The following PPP2R2C variants were observed in gnomAD, a reference collection of about 807,000 sequenced individuals.
PPP2R2C encodes the protein protein phosphatase 2, regulatory subunit B, gamma.
In PPP2R2C, 10 loss-of-function variants were observed where a neutral mutation model predicts 45.3. That is an observed-to-expected ratio of 0.22 (90% CI 0.14 to 0.37). The LOEUF is 0.37. Among genes scored for constraint, PPP2R2C ranks in the 10% least tolerant of loss-of-function variants. PPP2R2C has a pLI of 1.00. For synonymous variants in PPP2R2C, 257 were observed against 245.4 expected, an observed-to-expected ratio of 1.05 and a Z score of -0.44; for missense variants, 308 against 619.7, an observed-to-expected ratio of 0.50 and a Z score of 5.34.
intron 1 of PPP2R2C, among the ~76,000 whole-genome samples, chr4:6,412,671 G>A (rs13434456): frequency 0.25 from 37,723 of 152,074 alleles, 5,022 homozygotes; most frequent in Admixed American, 0.37. Flanking sequence ...AGCCCTGCAG[G>A]GAGAAGGCTG....
chr4:6,463,005 G>A (rs1721407419), intron 1 of PPP2R2C, among the ~76,000 whole-genome samples: 3 of 152,346 alleles, frequency 2.0e-5, no homozygotes, highest in Admixed American at 2.0e-4. Flanking sequence ...CTGGGACAGA[G>A]GGAGGGGGGA....
intron 1 of PPP2R2C, among the ~76,000 whole-genome samples, chr4:6,432,636 G>A (rs1238221896): frequency 6.6e-6 from 1 of 152,220 alleles, no homozygotes; most frequent in Non-Finnish European, 1.5e-5. Context: ...AAGGGCTTCT[G>A]GGACAACACG....
At position 6,350,588 on chromosome 4, in the gene PPP2R2C, C is replaced by T. The variant is rs1218819448; in HGVS notation, c.626-2578G>A. On this transcript the variant is annotated intron_variant, in intron 5 of 8. Coordinates refer to ENST00000382599, the MANE Select transcript of PPP2R2C (RefSeq NM_020416.4). ...TTTCCTGGGGTTATAACTCATGGGG[C>T]GCAGTGGGTGCAGGAGGACTCGGTG... 1.9e-5 allele frequency: 19 copies of T among 985,070 alleles called. No homozygotes were observed. In the East Asian group the frequency reaches 7.9e-4, roughly 41 times the overall value. 61.0% of individuals were successfully genotyped at this position (985,070 alleles called of 1,614,324 possible).
chr4:6,465,948 C>G (rs1156445481), intron 1 of PPP2R2C, among the ~76,000 whole-genome samples: 1 of 151,910 alleles, frequency 6.6e-6, no homozygotes, highest in Non-Finnish European at 1.5e-5. Flanking sequence ...CTCTTTTTCC[C>G]TTCCCTTCTG....
At chr4:6,481,321 A>G (rs554286249) in intron 2 of PPP2R2C, among the ~76,000 whole-genome samples, 8 of 152,362 alleles carry the variant, frequency 5.3e-5, no homozygotes, top group African/African-American at 1.7e-4. Flanking sequence ...CCTCATTTAC[A>G]GTATGCTTTT....
chr4:6,467,418 C>T (rs1159949797), intron 1 of PPP2R2C, among the ~76,000 whole-genome samples: 4 of 152,084 alleles, frequency 2.6e-5, no homozygotes, highest in African/African-American at 7.2e-5. Flanking sequence ...TGTGACCTGC[C>T]CAATATTACA....
chr4:6,499,949 A>G (rs1486691752), intron 2 of PPP2R2C, among the ~76,000 whole-genome samples: 1 of 151,858 alleles, frequency 6.6e-6, no homozygotes, highest in Admixed American at 6.6e-5. Context: ...AAGTTTTTAC[A>G]CCACCAGTGA....
intron 3 of PPP2R2C, among the ~76,000 whole-genome samples, chr4:6,377,161 C>A (rs753815275): frequency 2.0e-5 from 3 of 152,234 alleles, no homozygotes; most frequent in Admixed American, 6.5e-5. Context: ...GCCTTGGAGG[C>A]CCCGCTGAGG....
chr4:6,519,124 A>G (rs529662227), intron 2 of PPP2R2C, among the ~76,000 whole-genome samples: 1 of 152,238 alleles, frequency 6.6e-6, no homozygotes, highest in Non-Finnish European at 1.5e-5. Flanking sequence ...GAGGATAGTG[A>G]GCAGACTCCT....
intron 6 of PPP2R2C, among the ~76,000 whole-genome samples, chr4:6,339,795 C>A (rs1181866392): frequency 3.3e-5 from 5 of 152,194 alleles, no homozygotes; most frequent in African/African-American, 1.2e-4. Flanking sequence ...CTACCCTGGC[C>A]ACGGGTCCCT....
chr4:6,501,931 C>T (rs916203030), intron 2 of PPP2R2C, among the ~76,000 whole-genome samples: 4 of 152,170 alleles, frequency 2.6e-5, no homozygotes, highest in Admixed American at 2.6e-4. Context: ...ATAGCAGGTG[C>T]TTAGAAAGCA....
intron 1 of PPP2R2C, among the ~76,000 whole-genome samples, chr4:6,460,861 G>A (rs1247521580): frequency 6.6e-6 from 1 of 152,114 alleles, no homozygotes. Flanking sequence ...AATGTCAATA[G>A]GATACAATCC....
In PPP2R2C at chr4:6,330,020, C is replaced by T. The variant is rs954584013; in HGVS notation, c.961-667G>A. On this transcript the variant is annotated intron_variant, in intron 7 of 8. Transcript: ENST00000382599. The surrounding 1 kb of genome is among the most constrained non-coding windows in gnomAD (Gnocchi z 7.0). ...GAAGAGGGAACCCACAGAGGTTTCT[C>T]ATCCATCCACAGCACGAGGCACTGA... is the stretch of plus-strand genomic sequence containing the variant. Among the ~76,000 whole-genome samples the T allele has an allele frequency of 6.6e-6, 1 of 152,094 alleles. No homozygotes were observed. The highest frequency in any genetic ancestry group is 1.5e-5 in the Non-Finnish European group (1 of 68,020).
At chr4:6,472,045 T>C (rs996901793) in intron 1 of PPP2R2C, 115 bp downstream of exon 1, 8 of 1,019,058 alleles carry the variant, frequency 7.9e-6, no homozygotes, top group Admixed American at 3.1e-5. Context: ...TGGGGTGGGG[T>C]GGGGCGGGGG....
intron 2 of PPP2R2C, among the ~76,000 whole-genome samples, chr4:6,511,546 ATGGTGGTGGTGGTGG>A (rs1560593922): frequency 0.014 from 61 of 4,370 alleles, 7 homozygotes; most frequent in Non-Finnish European, 0.022. Flanking sequence ...GGTGGTGGTG[ATGGTGGTGGTGGTGG>A]TGGTGGTGGT....
chr4:6,350,609 C>T (rs972383624), intron 5 of PPP2R2C: 1 of 985,316 alleles, frequency 1.0e-6, no homozygotes, highest in Admixed American at 6.1e-5. Flanking sequence ...CAGGAGGACT[C>T]GGTGGGATGA....
intron 5 of PPP2R2C, among the ~76,000 whole-genome samples, chr4:6,355,956 G>A (rs1560474477): frequency 2.8e-5 from 4 of 141,020 alleles, no homozygotes; most frequent in Non-Finnish European, 4.5e-5. Flanking sequence ...ATCGTGCCAC[G>A]TATTCCGGCC....
At chr4:6,409,861 T>G (rs1164736616) in intron 1 of PPP2R2C, among the ~76,000 whole-genome samples, 1 of 152,164 alleles carries the variant, frequency 6.6e-6, no homozygotes, top group Non-Finnish European at 1.5e-5. Context: ...TGCCCAGACT[T>G]TCCCCTCTGC....
chr4:6,382,827 C>T (rs1209557811), intron 1 of PPP2R2C: 2 of 1,077,618 alleles, frequency 1.9e-6, no homozygotes, highest in African/African-American at 1.7e-5. Context: ...TATGACGTAG[C>T]CTCAACAGAC....
Sources: allele counts gnomAD v4.1 joint callset (sites outside exome capture counted in the v4.1 genomes callset), GRCh38; gene constraint gnomAD v4.1.1; non-coding constraint Gnocchi (gnomAD v3.1); transcripts MANE v1.5; gene names NCBI Gene and HGNC (gene_info 2026-07-23, HGNC 2026-07-21).